Variants in FRAS1 observed in about 807,000 individuals in gnomAD.
FRAS1 encodes the protein Fraser extracellular matrix complex subunit 1, also known as extracellular matrix organizing protein FRAS1.
FRAS1 carries 290 observed loss-of-function variants against 435.2 expected under a neutral mutation model. The ratio of observed to expected loss-of-function variants is 0.67; its 90% CI spans 0.61 to 0.73. The LOEUF is 0.73. FRAS1 is among the 30% of genes least tolerant of loss of function. The pLI, the probability that FRAS1 is intolerant of heterozygous loss-of-function variation, is 0.00. For missense variants in FRAS1, 4,860 were observed against 5,001.5 expected (o/e 0.97, Z 0.85); for synonymous variants, 1,800 against 1,851.0 (o/e 0.97, Z 0.71).
intron 2 of FRAS1, among the ~76,000 whole-genome samples, chr4:78,125,051 T>C (rs953449565): frequency 2.0e-4 from 31 of 152,328 alleles, no homozygotes; most frequent in African/African-American, 7.2e-4. Flanking sequence ...TGTTTACTCT[T>C]GCTTCTCTAG....
chr4:78,442,026 C>T (rs1380843552), intron 41 of FRAS1, among the ~76,000 whole-genome samples: 1 of 152,212 alleles, frequency 6.6e-6, no homozygotes, highest in African/African-American at 2.4e-5. Flanking sequence ...GCCTGAGCAC[C>T]AGCACTGGGC....
At chr4:78,486,457 A>G (rs1720171478) in intron 58 of FRAS1, among the ~76,000 whole-genome samples, 1 of 152,172 alleles carries the variant, frequency 6.6e-6, no homozygotes, top group Non-Finnish European at 1.5e-5. Flanking sequence ...AATGCGTTAT[A>G]CCCAATGTGA....
chr4:78,523,077 TC>T (rs922661207), intron 69 of FRAS1, among the ~76,000 whole-genome samples: 1 of 151,906 alleles, frequency 6.6e-6, no homozygotes, highest in Non-Finnish European at 1.5e-5. Flanking sequence ...CAGAAAGAGA[TC>T]CTGACTCTTA....
chr4:78,165,192 CAA>C (rs1280568620), intron 2 of FRAS1, among the ~76,000 whole-genome samples: 2 of 152,128 alleles, frequency 1.3e-5, no homozygotes, highest in Non-Finnish European at 2.9e-5. Flanking sequence ...TTTAACAATA[CAA>C]AAGTTTATAA....
intron 2 of FRAS1, among the ~76,000 whole-genome samples, chr4:78,178,019 T>C (rs1721846894): frequency 6.6e-6 from 1 of 152,204 alleles, no homozygotes; most frequent in East Asian, 1.9e-4. Context: ...CAGTCTGAAA[T>C]CAAGGTGTTG....
In FRAS1 at chr4:78,533,432, G is replaced by A. The variant is rs574489769; in HGVS notation, c.10926-1017G>A. Among the ~76,000 whole-genome samples the A allele has an allele frequency of 2.6e-5, 4 of 152,360 alleles. No individual in the cohort carries two copies. The South Asian group carries it at 8.3e-4, about 32-fold the overall frequency. On this transcript the variant is annotated intron_variant, in intron 70 of 73. Coordinates refer to ENST00000512123, the MANE Select transcript of FRAS1 (RefSeq NM_025074.7). ...GGCTAGATCCCAGAAATGGAGGGAA[G>A]GGGAAGAGTAGCTGGAGATGAGGCT...
rs141282902 is a variant in FRAS1 at position 78,424,163 on chromosome 4, A to G, written c.4679-225A>G. The stretch of plus-strand genomic sequence containing the variant: ...TAAATCACGCTAACTGCTGCGATAT[A>G]AAATTATTCCACTATGTGGTCCTTT... On this transcript the variant is annotated intron_variant, in intron 34 of 73. Transcript: ENST00000512123. Among the ~76,000 whole-genome samples the G allele has an allele frequency of 9.4e-4, 143 of 152,346 alleles. 1 individual carries two copies. The highest frequency in any genetic ancestry group is 3.2e-3 in the African/African-American group (135 of 41,572).
rs762667031 is a variant in FRAS1, at chr4:78,473,608, T to A, written c.7682+11T>A. On this transcript the variant is annotated intron_variant, in intron 53 of 73. Coordinates refer to ENST00000512123, the MANE Select transcript of FRAS1 (RefSeq NM_025074.7). ...CTTTAAATATACCAGGTACAAGTTT[T>A]ACTGTGCTTTCCTTCTTGAGAAATC... 9 of 1,557,860 alleles carry A rather than the reference T, an allele frequency of 5.8e-6. No homozygotes were observed. The East Asian group carries it at 1.6e-4, about 28-fold the overall frequency.
At chr4:78,193,796 GA>G (rs1472090563) in intron 2 of FRAS1, among the ~76,000 whole-genome samples, 1 of 152,118 alleles carries the variant, frequency 6.6e-6, no homozygotes, top group East Asian at 1.9e-4. Context: ...TGTTATGTGT[GA>G]ATTTGATCCT....
intron 2 of FRAS1, among the ~76,000 whole-genome samples, chr4:78,204,816 C>A (rs1723190070): frequency 6.6e-6 from 1 of 152,196 alleles, no homozygotes; most frequent in African/African-American, 2.4e-5. Context: ...ACAATGAAAG[C>A]AAATTTTGGG....
chr4:78,481,690 G>T, intron 56 of FRAS1, 114 bp from the exon 57 acceptor site: 1 of 1,164,228 alleles, frequency 8.6e-7, no homozygotes, highest in Non-Finnish European at 1.3e-6. Context: ...GATTAGAAAA[G>T]CTCAAAGGGC....
At chr4:78,464,608 T>A in intron 49 of FRAS1, 25 bp downstream of exon 49, 1 of 1,611,752 alleles carries the variant, frequency 6.2e-7, no homozygotes, top group South Asian at 1.1e-5. Context: ...TCCCATGGGT[T>A]CTCTGGCTAA....
intron 61 of FRAS1, among the ~76,000 whole-genome samples, chr4:78,503,563 C>T (rs1315423814): frequency 6.6e-6 from 1 of 151,988 alleles, no homozygotes; most frequent in Non-Finnish European, 1.5e-5. Context: ...GGTGAGATCC[C>T]CTTTATCATT....
chr4:78,504,744 T>C (rs1578362572), intron 61 of FRAS1, among the ~76,000 whole-genome samples: 1 of 152,226 alleles, frequency 6.6e-6, no homozygotes, highest in East Asian at 1.9e-4. Context: ...AATATTGTTA[T>C]GTGTGAATTT....
chr4:78,371,089 T>C (rs886767593), intron 23 of FRAS1, among the ~76,000 whole-genome samples: 2 of 146,782 alleles, frequency 1.4e-5, no homozygotes, highest in African/African-American at 2.6e-5. Flanking sequence ...TTCTGTTTTT[T>C]TGTTTTTTTT....
At chr4:78,360,168 G>C (rs1731022648) in intron 20 of FRAS1, among the ~76,000 whole-genome samples, 1 of 152,208 alleles carries the variant, frequency 6.6e-6, no homozygotes, top group East Asian at 1.9e-4. Context: ...CTCATGCTGA[G>C]AGGAGAGAGT....
intron 16 of FRAS1, 54 bp downstream of exon 16, chr4:78,315,788 C>T: frequency 1.3e-6 from 2 of 1,593,632 alleles, no homozygotes; most frequent in South Asian, 1.1e-5. Context: ...ACATGTTTGA[C>T]TATACTTGGT....
At chr4:78,514,306 T>A (rs749590268) in intron 65 of FRAS1, among the ~76,000 whole-genome samples, 1 of 152,228 alleles carries the variant, frequency 6.6e-6, no homozygotes, top group Non-Finnish European at 1.5e-5. Flanking sequence ...AGGCAGCGCA[T>A]CTCTGTGTTC....
intron 58 of FRAS1, among the ~76,000 whole-genome samples, chr4:78,487,164 C>T (rs1578353269): frequency 6.6e-6 from 1 of 152,208 alleles, no homozygotes; most frequent in African/African-American, 2.4e-5. Flanking sequence ...CAGGCCATTT[C>T]ACTGGGTTAC....
Sources: gnomAD v4.1 joint callset for allele counts (sites outside exome capture counted in the v4.1 genomes callset) on GRCh38, gnomAD v4.1.1 for gene constraint, MANE v1.5 for transcripts, NCBI Gene and HGNC (gene_info 2026-07-23, HGNC 2026-07-21) for gene names.